RALGAPA2: variants seen among roughly 807,000 people sequenced by gnomAD.
RALGAPA2 encodes the protein ral GTPase-activating protein subunit alpha-2.
A neutral mutation model predicts 230.4 loss-of-function variants in RALGAPA2; 139 were observed. The ratio of observed to expected loss-of-function variants is 0.60; its 90% CI spans 0.53 to 0.69. RALGAPA2 has a LOEUF of 0.69. RALGAPA2 is among the 30% of genes least tolerant of loss of function. The pLI is 0.00. For missense variants in RALGAPA2, 2,163 were observed against 2,276.0 expected, an observed-to-expected ratio of 0.95 and a Z score of 1.01; for synonymous variants, 847 against 837.8, an observed-to-expected ratio of 1.01 and a Z score of -0.19.
intron 1 of RALGAPA2, among the ~76,000 whole-genome samples, chr20:20,683,717 G>A (rs573962496): frequency 1.2e-4 from 18 of 152,252 alleles, no homozygotes; most frequent in South Asian, 4.2e-4. Context: ...TCAAAGACTC[G>A]GCGCAGCCCT....
chr20:20,654,140 A>AATTTG (rs2067503307), intron 3 of RALGAPA2, among the ~76,000 whole-genome samples: 1 of 152,208 alleles, frequency 6.6e-6, no homozygotes, highest in South Asian at 2.1e-4. Context: ...AATATCCCCA[A>AATTTG]ACTTTTACAA....
At chr20:20,547,317 G>A (rs1239095461) in intron 23 of RALGAPA2, among the ~76,000 whole-genome samples, 1 of 152,210 alleles carries the variant, frequency 6.6e-6, no homozygotes, top group African/African-American at 2.4e-5. Context: ...AATATGCAGA[G>A]TGCTAAGGTG....
intron 37 of RALGAPA2, among the ~76,000 whole-genome samples, chr20:20,455,095 T>C (rs1000043963): frequency 6.6e-6 from 1 of 152,210 alleles, no homozygotes; most frequent in Non-Finnish European, 1.5e-5. Flanking sequence ...TTATAAAAAG[T>C]ACACATTACA....
In RALGAPA2 at chr20:20,562,519, T is replaced by G. The variant is rs144080099; in HGVS notation, c.3156+8939A>C. 2.3e-3 allele frequency among the ~76,000 whole-genome samples: 349 copies of G among 152,360 alleles called. 2 individuals are homozygous for G. The highest frequency in any genetic ancestry group is 7.9e-3 in the African/African-American group (327 of 41,586). On this transcript the variant is annotated intron_variant, in intron 23 of 39. Coordinates refer to ENST00000202677, the MANE Select transcript of RALGAPA2 (RefSeq NM_020343.4). ...TGTCTTATTAGATACCGGAAGATTTTGGGCTAAATATACATAATTCATATT... is the reference window on the plus strand; with the variant it reads ...TGTCTTATTAGATACCGGAAGATTTGGGGCTAAATATACATAATTCATATT...
At chr20:20,526,089 C>A (rs776507626) in intron 28 of RALGAPA2, among the ~76,000 whole-genome samples, 163 bp downstream of exon 28, 5 of 152,212 alleles carry the variant, frequency 3.3e-5, no homozygotes, top group Non-Finnish European at 7.3e-5. Flanking sequence ...TGCCTGAAAT[C>A]ACAGCTGAGA....
At chr20:20,465,149 T>TCACACCCACACACACACA (rs1556066771) in intron 37 of RALGAPA2, among the ~76,000 whole-genome samples, 1 of 109,210 alleles carries the variant, frequency 9.2e-6, no homozygotes, top group Non-Finnish European at 1.8e-5. Flanking sequence ...CCGCAGGCCT[T>TCACACCCACACACACACA]CACACACACA....
At chr20:20,425,134 G>C (rs1481477711) in intron 37 of RALGAPA2, among the ~76,000 whole-genome samples, 2 of 152,168 alleles carry the variant, frequency 1.3e-5, no homozygotes, top group African/African-American at 2.4e-5. Context: ...ATATACGATA[G>C]ATAACAAGTA....
At chr20:20,432,877 T>A in intron 37 of RALGAPA2, among the ~76,000 whole-genome samples, 1 of 152,342 alleles carries the variant, frequency 6.6e-6, no homozygotes, top group Middle Eastern at 3.4e-3. Flanking sequence ...AAGCTGTCCA[T>A]GTGAAAGTGA....
intron 37 of RALGAPA2, among the ~76,000 whole-genome samples, chr20:20,419,474 A>G (rs1004918832): frequency 5.9e-5 from 9 of 152,304 alleles, no homozygotes; most frequent in African/African-American, 2.2e-4. Flanking sequence ...AGACAGTACT[A>G]TTTTTAGGGA....
chr20:20,705,725 G>C (rs2069574317), intron 1 of RALGAPA2, among the ~76,000 whole-genome samples: 2 of 152,116 alleles, frequency 1.3e-5, no homozygotes, highest in South Asian at 4.1e-4. Context: ...CTGGAGTGCA[G>C]TGGTGCGATC....
intron 5 of RALGAPA2, among the ~76,000 whole-genome samples, chr20:20,642,717 A>C (rs1325757894): frequency 6.6e-6 from 1 of 152,176 alleles, no homozygotes; most frequent in Non-Finnish European, 1.5e-5. Context: ...AAAATATAGA[A>C]TCTACAGTGA....
chr20:20,676,226 C>G lies in RALGAPA2; in HGVS notation c.270+10G>C. On this transcript the variant is annotated intron_variant, in intron 3 of 39. Transcript: ENST00000202677. ...AATTATAAAAGCTAAATAAACTCATCAAAACTTACTTCAAAAAGGAAGAGG... is the reference window on the plus strand; with the variant it reads ...AATTATAAAAGCTAAATAAACTCATGAAAACTTACTTCAAAAAGGAAGAGG... 6.6e-7 allele frequency: 1 copy of G among 1,511,246 alleles called. No homozygotes were observed. 93.6% of individuals were successfully genotyped at this position (1,511,246 alleles called of 1,614,324 possible).
chr20:20,682,195 T>C (rs2068544712), intron 1 of RALGAPA2, among the ~76,000 whole-genome samples: 2 of 152,200 alleles, frequency 1.3e-5, no homozygotes, highest in African/African-American at 2.4e-5. Context: ...TTTCACACTA[T>C]ATTTACTGCA....
chr20:20,676,510 G>C (rs1318530153), intron 2 of RALGAPA2, among the ~76,000 whole-genome samples: 1 of 147,926 alleles, frequency 6.8e-6, no homozygotes, highest in African/African-American at 2.5e-5. Context: ...CTAGCTGTTT[G>C]AACACAGCTT....
Position 20,458,542 on chromosome 20 carries a change from T to C in RALGAPA2, c.5495+14287A>G, listed in dbSNP as rs1433938431. On this transcript the variant is annotated intron_variant, in intron 37 of 39. Transcript: ENST00000202677. ...TATTTTATATATATTATATATAATA[T>C]ATATGTATTTTATATATATTATATA... Among the ~76,000 whole-genome samples the C allele has an allele frequency of 1.8e-3, 243 of 134,626 alleles. 1 individual carries two copies. Among genetic ancestry groups the C allele is most frequent in the African/African-American group, 6.8e-3 (231 of 34,132 alleles). 88.3% of individuals were successfully genotyped at this position (134,626 alleles called of 152,430 possible). A position where few individuals can be genotyped will look rare whatever the true frequency, so the allele number is the denominator to read the frequency against.
intron 14 of RALGAPA2, among the ~76,000 whole-genome samples, chr20:20,608,080 A>G (rs540743470): frequency 2.3e-4 from 35 of 152,204 alleles, no homozygotes; most frequent in Non-Finnish European, 4.3e-4. Context: ...CACATTTCTC[A>G]TTAAAAATAA....
At chr20:20,689,885 T>C (rs2068840462) in intron 1 of RALGAPA2, among the ~76,000 whole-genome samples, 1 of 152,148 alleles carries the variant, frequency 6.6e-6, no homozygotes, top group Non-Finnish European at 1.5e-5. Context: ...CTGAGTTCCA[T>C]CCCACAAACC....
At chr20:20,643,637 A>C in intron 4 of RALGAPA2, 88 bp from the exon 5 acceptor site, 1 of 1,188,304 alleles carries the variant, frequency 8.4e-7, no homozygotes, top group East Asian at 3.0e-5. Context: ...TATGACAAAA[A>C]TATACTTTTT....
intron 37 of RALGAPA2, among the ~76,000 whole-genome samples, chr20:20,467,787 C>T (rs751305763): frequency 5.9e-5 from 9 of 152,184 alleles, no homozygotes; most frequent in African/African-American, 1.9e-4. Flanking sequence ...CATCAGAGAA[C>T]GCAACCTTGT....
Sources: gnomAD v4.1 joint callset for allele counts (sites outside exome capture counted in the v4.1 genomes callset) on GRCh38, gnomAD v4.1.1 for gene constraint, MANE v1.5 for transcripts, NCBI Gene and HGNC (gene_info 2026-07-23, HGNC 2026-07-21) for gene names.